Variants in CADM4 observed in about 807,000 individuals in gnomAD.
The protein encoded by CADM4 is cell adhesion molecule 4, also known as TSLC1-like 2.
CADM4 carries 13 observed loss-of-function variants against 43.9 expected under a neutral mutation model. The observed-to-expected ratio is 0.30, with a 90% confidence interval of 0.19 to 0.47. The LOEUF is 0.47. Ranked by LOEUF, CADM4 falls within the 20% of genes least tolerant of loss-of-function variation. The pLI, the probability that CADM4 is intolerant of heterozygous loss-of-function variation, is 1.00. For synonymous variants in CADM4, 209 were observed against 220.9 expected, an observed-to-expected ratio of 0.95 and a Z score of 0.48; for missense variants, 420 against 527.0, an observed-to-expected ratio of 0.80 and a Z score of 1.99.
At chr19:43,641,292 T>C (rs142329912), upstream of CADM4, among the ~76,000 whole-genome samples, 846 of 152,272 alleles carry the variant, frequency 5.6e-3, 22 homozygotes, top group Admixed American at 0.041. Flanking sequence ...TTATTCCGAC[T>C]AAAAAATTTT....
Position 43,623,758 on chromosome 19 carries a change from C to G in CADM4, c.1058-319G>C, listed in dbSNP as rs1018148770. ...TTATTCAAATCCATGCTCTTTTTTT[C>G]CCCTAATTTTTTGTATTTTTAGTAG... On this transcript the variant is annotated intron_variant, in intron 8 of 8. Coordinates refer to ENST00000222374, the MANE Select transcript of CADM4 (RefSeq NM_145296.2). The surrounding 1 kb of genome is among the most constrained non-coding windows in gnomAD (Gnocchi z 4.4). Among the ~76,000 whole-genome samples, 1 of 151,966 alleles carries G rather than the reference C, an allele frequency of 6.6e-6. No homozygotes were observed. The highest frequency in any genetic ancestry group is 2.4e-5 in the African/African-American group (1 of 41,390).
At position 43,625,051 on chromosome 19, in the gene CADM4, C is replaced by T. The variant is rs1973500465; in HGVS notation, c.928+27G>A. On this transcript the variant is annotated intron_variant, in intron 7 of 8. Coordinates refer to ENST00000222374, the MANE Select transcript of CADM4 (RefSeq NM_145296.2). This position sits in a 1 kb window ranked among gnomAD's most constrained non-coding sequence, Gnocchi z 4.5. ...CCGCCACCTGGCGCCCCGCCCCCGCCCTCAGTCGGCCGCAGCCTGCTCTCA... is the reference window on the plus strand; with the variant it reads ...CCGCCACCTGGCGCCCCGCCCCCGCTCTCAGTCGGCCGCAGCCTGCTCTCA... 3 of 1,470,662 alleles carry T rather than the reference C, an allele frequency of 2.0e-6. No homozygotes were observed. The highest frequency in any genetic ancestry group is 2.7e-6 in the Non-Finnish European group (3 of 1,107,570). The allele number at this position is 1,470,662 out of a possible 1,614,324, so 91.1% of individuals were successfully genotyped here.
In CADM4 at chr19:43,627,608, C is replaced by A; in HGVS notation, c.211+36G>T. The A allele has an allele frequency of 6.3e-7, 1 of 1,593,326 alleles. No homozygotes were observed. ...GGAGCCTGGGCCCCAGCCCTCTCTT[C>A]CTTTAAGACTCCTGAGTCTGGTCCC... is the stretch of plus-strand genomic sequence containing the variant. On this transcript the variant is annotated intron_variant, in intron 2 of 8. Coordinates refer to ENST00000222374, the MANE Select transcript of CADM4 (RefSeq NM_145296.2). The surrounding 1 kb of genome is among the most constrained non-coding windows in gnomAD (Gnocchi z 4.0).
intron 1 of CADM4, among the ~76,000 whole-genome samples, chr19:43,639,493 G>T (rs942656733): frequency 6.6e-6 from 1 of 150,550 alleles, no homozygotes; most frequent in African/African-American, 2.4e-5. Flanking sequence ...CTTTGTCCCC[G>T]CCGGGATCCA....
Position 43,625,036 on chromosome 19 carries a change from G to GGGGC in CADM4, c.928+41_928+42insGCCC. On this transcript the variant is annotated intron_variant, in intron 7 of 8. Coordinates refer to ENST00000222374, the MANE Select transcript of CADM4 (RefSeq NM_145296.2). This position sits in a 1 kb window ranked among gnomAD's most constrained non-coding sequence, Gnocchi z 4.5. Reference sequence around the variant, plus strand: ...GCTCAAGCCCCGCCCCCGCCACCTGGCGCCCCGCCCCCGCCCTCAGTCGGC... The same window carrying GGGGC: ...GCTCAAGCCCCGCCCCCGCCACCTGGGGGCCGCCCCGCCCCCGCCCTCAGTCGGC... 1.6e-5 allele frequency: 23 copies of GGGGC among 1,419,936 alleles called. No homozygotes were observed. Among genetic ancestry groups the GGGGC allele is most frequent in the East Asian group, 2.7e-5 (1 of 36,378 alleles). 88.0% of individuals were successfully genotyped at this position (1,419,936 alleles called of 1,614,324 possible).
chr19:43,639,373 A>C (rs1973741686), intron 1 of CADM4, among the ~76,000 whole-genome samples: 1 of 145,918 alleles, frequency 6.9e-6, no homozygotes, highest in African/African-American at 2.5e-5. Flanking sequence ...ACGAGGAGCC[A>C]GACGGGGGGG....
At position 43,623,051 on chromosome 19, in the gene CADM4, TC is replaced by T; in HGVS notation, c.*278del. On this transcript the variant is annotated 3_prime_UTR_variant, in exon 9 of 9. Coordinates refer to ENST00000222374, the MANE Select transcript of CADM4 (RefSeq NM_145296.2). This position sits in a 1 kb window ranked among gnomAD's most constrained non-coding sequence, Gnocchi z 4.4. ...GGCCCTGGCCTTCCCCCAGTTATCT[TC>T]CCCCAACCCAATCCCTACTGCCCTC... 4.7e-6 allele frequency: 1 copy of T among 210,888 alleles called. No individual in the cohort carries two copies. The highest frequency in any genetic ancestry group is 1.0e-4 in the South Asian group (1 of 9,646). The allele number at this position is 210,888 out of a possible 1,614,324, so 13.1% of individuals were successfully genotyped here. A position where few individuals can be genotyped will look rare whatever the true frequency, so the allele number is the denominator to read the frequency against.
intron 1 of CADM4, among the ~76,000 whole-genome samples, chr19:43,638,567 G>C (rs1973731625): frequency 6.6e-6 from 1 of 152,256 alleles, no homozygotes; most frequent in Non-Finnish European, 1.5e-5. Context: ...CACAGTGTGA[G>C]AGTGTGTGTG....
intron 1 of CADM4, among the ~76,000 whole-genome samples, chr19:43,637,771 T>G (rs1289504588): frequency 6.6e-6 from 1 of 152,142 alleles, no homozygotes; most frequent in Non-Finnish European, 1.5e-5. Context: ...GGATTCTAAA[T>G]GTCATAGATG....
chr19:43,633,053 C>T (rs1289717507), intron 1 of CADM4, among the ~76,000 whole-genome samples: 1 of 136,150 alleles, frequency 7.3e-6, no homozygotes, highest in African/African-American at 2.8e-5. Context: ...ACCTGGGTGA[C>T]AGAGAGAGAC....
In CADM4 at chr19:43,630,281, C is replaced by CTTTTTTT. The variant is rs59489315; in HGVS notation, c.65-2498_65-2492dup. 4.5e-3 allele frequency among the ~76,000 whole-genome samples: 328 copies of CTTTTTTT among 73,402 alleles called. 4 individuals carry two copies. The highest frequency in any genetic ancestry group is 5.4e-3 in the Non-Finnish European group (223 of 41,300). The allele number at this position is 73,402 out of a possible 152,430, so 48.2% of individuals were successfully genotyped here. ...TTTCCCCCATTTCCATTTTTCTTTTCTTTTTTTTTTTTTTTTTTTTTTGAG... is the reference window on the plus strand; with the variant it reads ...TTTCCCCCATTTCCATTTTTCTTTTCTTTTTTTTTTTTTTTTTTTTTTTTTTTTTGAG... On this transcript the variant is annotated intron_variant, in intron 1 of 8. Coordinates refer to ENST00000222374, the MANE Select transcript of CADM4 (RefSeq NM_145296.2).
intron 7 of CADM4, 119 bp downstream of exon 7, chr19:43,624,959 A>G: frequency 8.4e-7 from 1 of 1,188,542 alleles, no homozygotes; most frequent in Non-Finnish European, 1.2e-6. Flanking sequence ...TCTGGTCCCA[A>G]AACAAAAAGA....
chr19:43,638,417 C>T (rs1212332381), intron 1 of CADM4, among the ~76,000 whole-genome samples: 2 of 152,260 alleles, frequency 1.3e-5, no homozygotes, highest in Non-Finnish European at 2.9e-5. Context: ...CCCCATGCCA[C>T]CTGGTTATAA....
chr19:43,634,400 G>A (rs1054760165), intron 1 of CADM4, among the ~76,000 whole-genome samples: 1 of 152,186 alleles, frequency 6.6e-6, no homozygotes, highest in African/African-American at 2.4e-5. Flanking sequence ...AGGCAAGTCA[G>A]TGGCAAAACT....
chr19:43,641,887 G>T (rs116775719), upstream of CADM4, among the ~76,000 whole-genome samples: 1 of 152,164 alleles, frequency 6.6e-6, no homozygotes, highest in Non-Finnish European at 1.5e-5. Context: ...CAATAGGCCC[G>T]CTCACTCTGT....
chr19:43,633,888 G>T (rs1034411312), intron 1 of CADM4, among the ~76,000 whole-genome samples: 1 of 151,196 alleles, frequency 6.6e-6, no homozygotes, highest in Non-Finnish European at 1.5e-5. Context: ...AGAGATGGGG[G>T]TCTCAATATC....
At chr19:43,637,180 T>C (rs916441360) in intron 1 of CADM4, among the ~76,000 whole-genome samples, 4 of 152,190 alleles carry the variant, frequency 2.6e-5, no homozygotes, top group Middle Eastern at 3.4e-3. Flanking sequence ...GCTCAGAAGA[T>C]GAATGAACCA....
Position 43,631,336 on chromosome 19 carries a change from G to A in CADM4, c.65-3546C>T, listed in dbSNP as rs148923807. ...AGCCTGGGTGACAGAGCAAGACTCC[G>A]TTTCAAAAAAGAAAAAAAAAAAAGA... On this transcript the variant is annotated intron_variant, in intron 1 of 8. Transcript: ENST00000222374. Among the ~76,000 whole-genome samples, 32 of 148,432 alleles carry A rather than the reference G, an allele frequency of 2.2e-4. No individual in the cohort carries two copies. In the East Asian group the frequency reaches 2.6e-3, roughly 12 times the overall value.
Position 43,626,744 on chromosome 19 carries a change from A to AC in CADM4, c.499+39dup, listed in dbSNP as rs1973534328. On this transcript the variant is annotated intron_variant, in intron 4 of 8. Transcript: ENST00000222374. The surrounding 1 kb of genome is among the most constrained non-coding windows in gnomAD (Gnocchi z 5.9). ...ATATAAACAACCTCTCCTAAGTCCC[A>AC]CCTCCTCCCCATCCCTTGTCAGCAC... The AC allele has an allele frequency of 3.3e-6, 5 of 1,524,916 alleles. No homozygotes were observed. Among genetic ancestry groups the AC allele is most frequent in the Non-Finnish European group, 4.4e-6 (5 of 1,133,374 alleles). The allele number at this position is 1,524,916 out of a possible 1,614,324, so 94.5% of individuals were successfully genotyped here. A position where few individuals can be genotyped will look rare whatever the true frequency, so the allele number is the denominator to read the frequency against.
Sources: allele counts gnomAD v4.1 joint callset (sites outside exome capture counted in the v4.1 genomes callset), GRCh38; gene constraint gnomAD v4.1.1; non-coding constraint Gnocchi (gnomAD v3.1); transcripts MANE v1.5; gene names NCBI Gene and HGNC (gene_info 2026-07-23, HGNC 2026-07-21).